Variants in C8orf34 observed in about 807,000 individuals in gnomAD.
C8orf34 encodes chromosome 8 open reading frame 34.
A neutral mutation model predicts 68.3 loss-of-function variants in C8orf34; 65 were observed. The ratio of observed to expected loss-of-function variants is 0.95; its 90% CI spans 0.78 to 1.17. The LOEUF (loss-of-function observed/expected upper bound fraction) is 1.17, where lower values mean the gene tolerates loss of function less well. C8orf34 is among the 50% of genes most tolerant of loss of function. The probability of loss-of-function intolerance (pLI) is 0.00; values close to 1 mark genes in which losing one functional copy is unlikely to be tolerated. For synonymous variants in C8orf34, 244 were observed against 241.2 expected (o/e 1.01, Z -0.11); for missense variants, 664 against 655.4 (o/e 1.01, Z -0.14).
intron 9 of C8orf34, among the ~76,000 whole-genome samples, chr8:68,713,863 C>T (rs936530898): frequency 6.6e-6 from 1 of 152,120 alleles, no homozygotes; most frequent in Non-Finnish European, 1.5e-5. Flanking sequence ...AGACCAGTAT[C>T]CTTGATGAAC....
chr8:68,497,670 C>G (rs1173020578), intron 5 of C8orf34, among the ~76,000 whole-genome samples: 1 of 151,992 alleles, frequency 6.6e-6, no homozygotes, highest in Non-Finnish European at 1.5e-5. Flanking sequence ...CAGTACTATA[C>G]AGCTATACAA....
intron 7 of C8orf34, among the ~76,000 whole-genome samples, chr8:68,630,680 T>C (rs1028547142): frequency 6.6e-6 from 1 of 152,168 alleles, no homozygotes; most frequent in Non-Finnish European, 1.5e-5. Context: ...ATATTATTGG[T>C]AATATTGACT....
chr8:68,387,827 C>T (rs1193993842), intron 1 of C8orf34, among the ~76,000 whole-genome samples: 4 of 152,118 alleles, frequency 2.6e-5, no homozygotes, highest in Non-Finnish European at 5.9e-5. Flanking sequence ...GACAACTCTA[C>T]AGTGTTTTTT....
At chr8:68,587,820 TTAAA>T (rs1467075173) in intron 7 of C8orf34, among the ~76,000 whole-genome samples, 2 of 151,924 alleles carry the variant, frequency 1.3e-5, no homozygotes, top group Admixed American at 6.6e-5. Context: ...GCATGGCTGT[TTAAA>T]TAGGAGAAAG....
chr8:68,630,148 A>G (rs1490639307), intron 7 of C8orf34, among the ~76,000 whole-genome samples: 1 of 152,124 alleles, frequency 6.6e-6, no homozygotes, highest in Non-Finnish European at 1.5e-5. Context: ...GCACTGTCCA[A>G]TAGAAAAATA....
At chr8:68,349,156 C>T (rs988544098) in intron 1 of C8orf34, among the ~76,000 whole-genome samples, 2 of 151,962 alleles carry the variant, frequency 1.3e-5, no homozygotes, top group African/African-American at 4.8e-5. Context: ...TTCTTCAATA[C>T]CTGATTTACT....
intron 8 of C8orf34, among the ~76,000 whole-genome samples, chr8:68,684,131 A>T (rs2130886209): frequency 6.6e-6 from 1 of 152,226 alleles, no homozygotes; most frequent in East Asian, 1.9e-4. Flanking sequence ...ATCTGAATGA[A>T]GCCTCATGAC....
At chr8:68,640,992 T>C (rs1818990429) in intron 8 of C8orf34, among the ~76,000 whole-genome samples, 1 of 152,208 alleles carries the variant, frequency 6.6e-6, no homozygotes, top group Non-Finnish European at 1.5e-5. Context: ...TCTTTGCATA[T>C]ACTGTATGTG....
intron 7 of C8orf34, among the ~76,000 whole-genome samples, chr8:68,628,936 A>G (rs920015): frequency 0.67 from 102,288 of 151,998 alleles, 34,857 homozygotes; most frequent in African/African-American, 0.75. Context: ...AAGCTCACAT[A>G]TCTTTGGTCA....
chr8:68,560,668 T>C (rs1430460985), intron 7 of C8orf34, among the ~76,000 whole-genome samples: 1 of 152,142 alleles, frequency 6.6e-6, no homozygotes, highest in African/African-American at 2.4e-5. Context: ...ATGGTAAGTA[T>C]TTGTGCATCT....
intron 7 of C8orf34, chr8:68,534,205 T>G: frequency 2.0e-6 from 2 of 985,390 alleles, no homozygotes; most frequent in Non-Finnish European, 2.4e-6. Context: ...TTTCTGATGC[T>G]GTAAAAACTG....
chr8:68,467,002 A>G (rs1006176709), intron 3 of C8orf34, among the ~76,000 whole-genome samples: 3 of 151,922 alleles, frequency 2.0e-5, no homozygotes, highest in African/African-American at 4.8e-5. Flanking sequence ...AAGTAGTACT[A>G]TGAGATTTCT....
At chr8:68,448,636 AG>A (rs1811218127) in intron 3 of C8orf34, among the ~76,000 whole-genome samples, 1 of 152,152 alleles carries the variant, frequency 6.6e-6, no homozygotes, top group Non-Finnish European at 1.5e-5. Context: ...AGGGAAACAA[AG>A]AACAGATTGG....
At chr8:68,332,291 G>A (rs559208043) in intron 1 of C8orf34, among the ~76,000 whole-genome samples, 2 of 149,884 alleles carry the variant, frequency 1.3e-5, no homozygotes, top group East Asian at 2.0e-4. Flanking sequence ...GACTCCCTTG[G>A]TCCCATCCAG....
intron 6 of C8orf34, among the ~76,000 whole-genome samples, chr8:68,528,782 C>G (rs1815122396): frequency 6.6e-6 from 1 of 152,192 alleles, no homozygotes. Context: ...AAACTTTTCC[C>G]CATCATCCTT....
chr8:68,730,113 A>T (rs1236967335), intron 10 of C8orf34, among the ~76,000 whole-genome samples: 1 of 152,182 alleles, frequency 6.6e-6, no homozygotes, highest in African/African-American at 2.4e-5. Context: ...TATGGAATTA[A>T]GATTAAACAT....
intron 1 of C8orf34, among the ~76,000 whole-genome samples, chr8:68,356,996 G>A (rs1806778176): frequency 6.6e-6 from 1 of 152,014 alleles, no homozygotes; most frequent in African/African-American, 2.4e-5. Context: ...TTCGTATGAA[G>A]TGAATTTCAT....
intron 7 of C8orf34, among the ~76,000 whole-genome samples, chr8:68,564,068 C>A (rs985745221): frequency 3.3e-5 from 5 of 152,112 alleles, no homozygotes; most frequent in Admixed American, 2.0e-4. Context: ...GTCTGCATAT[C>A]CTTAACTACA....
chr8:68,625,033 G>A (rs1452532924), intron 7 of C8orf34, among the ~76,000 whole-genome samples: 1 of 151,834 alleles, frequency 6.6e-6, no homozygotes, highest in African/African-American at 2.4e-5. Context: ...TAAATGCTAT[G>A]GGGATAAAGA....
Sources: gnomAD v4.1 joint callset for allele counts (sites outside exome capture counted in the v4.1 genomes callset) on GRCh38, gnomAD v4.1.1 for gene constraint, MANE v1.5 for transcripts, NCBI Gene and HGNC (gene_info 2026-07-23, HGNC 2026-07-21) for gene names.